Variants in ASTN2 observed in about 807,000 individuals in gnomAD.
ASTN2 encodes the protein astrotactin 2, also known as astrotactin-2.
Under a neutral mutation model 139.8 loss-of-function variants are expected in ASTN2, and 54 were observed. The observed-to-expected ratio is 0.39, with a 90% CI of 0.31 to 0.48. The LOEUF is 0.48. ASTN2 is among the 20% of genes least tolerant of loss of function. The probability of loss-of-function intolerance (pLI) is 0.95; values close to 1 mark genes in which losing one functional copy is unlikely to be tolerated. For synonymous variants in ASTN2, 756 were observed against 719.5 expected (o/e 1.05, Z -0.81); for missense variants, 1,565 against 1,725.1 (o/e 0.91, Z 1.64).
intron 10 of ASTN2, among the ~76,000 whole-genome samples, chr9:116,904,883 C>T (rs924779400): frequency 2.0e-5 from 3 of 152,142 alleles, no homozygotes; most frequent in Non-Finnish European, 2.9e-5. Context: ...TTGGTGGTAA[C>T]GTTACAGCTC....
intron 17 of ASTN2, among the ~76,000 whole-genome samples, chr9:116,638,810 C>A (rs1857194120): frequency 6.6e-6 from 1 of 151,962 alleles, no homozygotes; most frequent in Non-Finnish European, 1.5e-5. Context: ...AAACAAGTAC[C>A]AAAGATATAA....
chr9:117,117,943 A>T (rs777388766), intron 4 of ASTN2, among the ~76,000 whole-genome samples: 1 of 152,124 alleles, frequency 6.6e-6, no homozygotes, highest in Non-Finnish European at 1.5e-5. Context: ...GGCAGAATGT[A>T]GGGGAAACCC....
At chr9:117,037,479 A>G (rs1470470492) in intron 6 of ASTN2, among the ~76,000 whole-genome samples, 1 of 152,162 alleles carries the variant, frequency 6.6e-6, no homozygotes, top group Non-Finnish European at 1.5e-5. Flanking sequence ...ATAGATGGAG[A>G]GACAGAGGCT....
intron 10 of ASTN2, among the ~76,000 whole-genome samples, chr9:116,953,983 A>C (rs1835637255): frequency 6.6e-6 from 1 of 152,160 alleles, no homozygotes; most frequent in Non-Finnish European, 1.5e-5. Flanking sequence ...GTATGTATGG[A>C]CATGTAAGCT....
intron 20 of ASTN2, among the ~76,000 whole-genome samples, chr9:116,472,175 A>G (rs1177251104): frequency 2.0e-5 from 3 of 152,086 alleles, no homozygotes; most frequent in African/African-American, 7.2e-5. Context: ...GAGGCCTTGC[A>G]AGTCCTGCCT....
chr9:117,000,574 G>C (rs958223795), intron 7 of ASTN2, among the ~76,000 whole-genome samples: 1 of 152,214 alleles, frequency 6.6e-6, no homozygotes, highest in African/African-American at 2.4e-5. Flanking sequence ...GATTTAAACT[G>C]TGTGGTGTTG....
intron 22 of ASTN2, among the ~76,000 whole-genome samples, chr9:116,427,590 C>T (rs1023329857): frequency 7.9e-5 from 12 of 152,242 alleles, no homozygotes; most frequent in African/African-American, 2.9e-4. Context: ...TCTGATACCA[C>T]AGGAGGGAAG....
At chr9:117,145,544 C>T (rs978312732) in intron 3 of ASTN2, among the ~76,000 whole-genome samples, 3 of 152,154 alleles carry the variant, frequency 2.0e-5, no homozygotes, top group Non-Finnish European at 4.4e-5. Context: ...CTGAGATTCT[C>T]AACAATTACA....
At chr9:117,029,995 G>A (rs1452530963) in intron 6 of ASTN2, among the ~76,000 whole-genome samples, 1 of 150,472 alleles carries the variant, frequency 6.6e-6, no homozygotes, top group Non-Finnish European at 1.5e-5. Flanking sequence ...CTTTGAAGGA[G>A]GGAGTATTAG....
At chr9:116,467,091 T>C (rs960733222) in intron 20 of ASTN2, among the ~76,000 whole-genome samples, 1 of 152,062 alleles carries the variant, frequency 6.6e-6, no homozygotes, top group South Asian at 2.1e-4. Flanking sequence ...TGAGGATTGA[T>C]AGGGGTGCTG....
At chr9:116,893,901 G>A (rs546213101) in intron 10 of ASTN2, among the ~76,000 whole-genome samples, 20 of 152,244 alleles carry the variant, frequency 1.3e-4, no homozygotes, top group African/African-American at 3.4e-4. Context: ...AACACTCAAC[G>A]TCTGCCCCCA....
intron 3 of ASTN2, among the ~76,000 whole-genome samples, chr9:117,189,962 T>C (rs1184589483): frequency 6.6e-6 from 1 of 152,222 alleles, no homozygotes; most frequent in Non-Finnish European, 1.5e-5. Flanking sequence ...AAATAGGAAG[T>C]GAATCCATTG....
intron 1 of ASTN2, among the ~76,000 whole-genome samples, chr9:117,379,971 A>T (rs1830223048): frequency 1.3e-5 from 2 of 152,158 alleles, no homozygotes; most frequent in African/African-American, 2.4e-5. Flanking sequence ...ACAACTCTGT[A>T]GAAGATGGAT....
intron 13 of ASTN2, among the ~76,000 whole-genome samples, chr9:116,742,677 T>G (rs1247366224): frequency 1.3e-5 from 2 of 152,042 alleles, no homozygotes; most frequent in East Asian, 3.8e-4. Flanking sequence ...GAGACTTGAA[T>G]TTGGAGCCAC....
intron 1 of ASTN2, among the ~76,000 whole-genome samples, chr9:117,344,017 C>A (rs988080289): frequency 6.6e-6 from 1 of 152,074 alleles, no homozygotes. Context: ...GCATCTCTGT[C>A]TTAGATGTTA....
chr9:117,080,497 A>G (rs1828398202), intron 5 of ASTN2, among the ~76,000 whole-genome samples: 1 of 152,254 alleles, frequency 6.6e-6, no homozygotes, highest in South Asian at 2.1e-4. Context: ...CGAGTGAAAA[A>G]AAACAGGAGT....
At chr9:116,426,955 A>T (rs1400405094) in intron 22 of ASTN2, among the ~76,000 whole-genome samples, 5 of 152,174 alleles carry the variant, frequency 3.3e-5, no homozygotes, top group Non-Finnish European at 4.4e-5. Flanking sequence ...GGTTATGCTG[A>T]AGACCAGCCT....
rs1465759338 is a variant in ASTN2 at position 116,698,448 on chromosome 9, G to A, written c.2806+27323C>T. 6.2e-7 allele frequency: 1 copy of A among 1,614,106 alleles called. No individual in the cohort carries two copies. The highest frequency in any genetic ancestry group is 8.5e-7 in the Non-Finnish European group (1 of 1,180,042). On this transcript the variant is annotated intron_variant, in intron 16 of 22. Transcript: ENST00000313400. The surrounding 1 kb of genome is among the most constrained non-coding windows in gnomAD (Gnocchi z 4.4). ...GCTTAACATTGCAGAGGTGCAGGCT[G>A]TGTCTCGCTGTGACTACTTCCTGGC... is the stretch of plus-strand genomic sequence containing the variant.
chr9:116,627,320 G>C (rs1856515433), intron 17 of ASTN2, among the ~76,000 whole-genome samples: 1 of 152,134 alleles, frequency 6.6e-6, no homozygotes, highest in South Asian at 2.1e-4. Flanking sequence ...AGAGGGCTCT[G>C]AAGTGCATAC....
Sources: allele counts gnomAD v4.1 joint callset (sites outside exome capture counted in the v4.1 genomes callset), GRCh38; gene constraint gnomAD v4.1.1; non-coding constraint Gnocchi (gnomAD v3.1); transcripts MANE v1.5; gene names NCBI Gene and HGNC (gene_info 2026-07-23, HGNC 2026-07-21).